Variants in HEPACAM observed in about 807,000 individuals in gnomAD.
HEPACAM encodes the protein hepatic and glial cell adhesion molecule, also known as hepatocyte cell adhesion molecule.
Under a neutral mutation model 38.3 loss-of-function variants are expected in HEPACAM, and 18 were observed. That is an observed-to-expected ratio of 0.47 (90% CI 0.33 to 0.70). The LOEUF (loss-of-function observed/expected upper bound fraction) is 0.70, where lower values mean the gene tolerates loss of function less well. HEPACAM is among the 30% of genes least tolerant of loss of function. HEPACAM has a pLI of 0.03. For synonymous variants in HEPACAM, 216 were observed against 243.1 expected, an observed-to-expected ratio of 0.89 and a Z score of 1.04; for missense variants, 466 against 563.0, an observed-to-expected ratio of 0.83 and a Z score of 1.74.
At chr11:124,931,896 C>T (rs570856294) in intron 1 of HEPACAM, among the ~76,000 whole-genome samples, 1 of 152,206 alleles carries the variant, frequency 6.6e-6, no homozygotes, top group South Asian at 2.1e-4. Flanking sequence ...CATATTCATA[C>T]AATGGAATAC....
Position 124,921,211 on chromosome 11 carries a change from C to T in HEPACAM, c.1178G>A (p.Arg393His). Residue 393 changes from arginine to histidine, a missense_variant, in exon 7 of 7, where the codon CGC (arginine) becomes CAC (histidine). Transcript: ENST00000298251. The surrounding 1 kb of genome is among the most constrained non-coding windows in gnomAD (Gnocchi z 4.6). Reference protein sequence around the residue: ...SSPGRSRSASRTLRTAGVHII... With the variant: ...SSPGRSRSASHTLRTAGVHII... ...GTGCACGCCCGCAGTCCGCAGTGTG[C>T]GCGAGGCGCTGCGCGAGCGGCCGGG... 6.7e-7 allele frequency: 1 copy of T among 1,485,748 alleles called. No homozygotes were observed. The highest frequency in any genetic ancestry group is 8.9e-7 in the Non-Finnish European group (1 of 1,124,796). 92.0% of individuals were successfully genotyped at this position (1,485,748 alleles called of 1,614,324 possible). A position where few individuals can be genotyped will look rare whatever the true frequency, so the allele number is the denominator to read the frequency against.
At chr11:124,925,680 T>C (rs1256440618) in intron 1 of HEPACAM, among the ~76,000 whole-genome samples, 2 of 152,246 alleles carry the variant, frequency 1.3e-5, no homozygotes, top group East Asian at 3.9e-4. Context: ...TTTTTGCAGA[T>C]GCATGTAGCA....
intron 4 of HEPACAM, among the ~76,000 whole-genome samples, 182 bp downstream of exon 4, chr11:124,923,158 G>A (rs529766950): frequency 6.6e-6 from 1 of 152,282 alleles, no homozygotes; most frequent in Admixed American, 6.5e-5. Context: ...ATTGTTACTG[G>A]TGCTGGGGTT....
Position 124,920,123 on chromosome 11 carries a change from G to A in HEPACAM, c.*1015C>T. 8 of 1,301,632 alleles carry A rather than the reference G, an allele frequency of 6.1e-6. No homozygotes were observed. Among genetic ancestry groups the A allele is most frequent in the Non-Finnish European group, 8.5e-6 (8 of 936,020 alleles). 80.6% of individuals were successfully genotyped at this position (1,301,632 alleles called of 1,614,324 possible). A position where few individuals can be genotyped will look rare whatever the true frequency, so the allele number is the denominator to read the frequency against. ...TGGATCATGTTCCCCCCAAATGCTG[G>A]GAAGCAATAAGCCTCCTCCTCCCCC... On this transcript the variant is annotated 3_prime_UTR_variant, in exon 7 of 7. Coordinates refer to ENST00000298251, the MANE Select transcript of HEPACAM (RefSeq NM_152722.5).
chr11:124,927,271 T>C (rs1947224739), intron 1 of HEPACAM, among the ~76,000 whole-genome samples: 1 of 152,252 alleles, frequency 6.6e-6, no homozygotes, highest in South Asian at 2.1e-4. Flanking sequence ...CTTTTACACC[T>C]TGCTGGGCCT....
At chr11:124,926,337 A>T in intron 1 of HEPACAM, among the ~76,000 whole-genome samples, 1 of 152,242 alleles carries the variant, frequency 6.6e-6, no homozygotes, top group East Asian at 1.9e-4. Context: ...GGGCCTTATT[A>T]TTGATACATG....
intron 5 of HEPACAM, 108 bp downstream of exon 5, chr11:124,922,637 G>T (rs1343697142): frequency 6.2e-7 from 1 of 1,613,284 alleles, no homozygotes; most frequent in South Asian, 1.1e-5. Flanking sequence ...GTTGGTGGGG[G>T]AAGGGTCCCT....
chr11:124,933,583 T>G (rs1352265614), intron 1 of HEPACAM, among the ~76,000 whole-genome samples: 2 of 152,220 alleles, frequency 1.3e-5, no homozygotes, highest in African/African-American at 4.8e-5. Context: ...TTCTATAATT[T>G]TTTTCCTTAC....
At chr11:124,925,127 A>AGGG in intron 1 of HEPACAM, 58 bp from the exon 2 acceptor site, 1 of 1,367,576 alleles carries the variant, frequency 7.3e-7, no homozygotes, top group Non-Finnish European at 9.9e-7. Context: ...TCCTTAGCCC[A>AGGG]CTCCCAACTT....
At chr11:124,931,160 A>G (rs1347973650) in intron 1 of HEPACAM, among the ~76,000 whole-genome samples, 1 of 152,238 alleles carries the variant, frequency 6.6e-6, no homozygotes, top group African/African-American at 2.4e-5. Context: ...AGAAATTCAA[A>G]CAACACAATA....
intron 1 of HEPACAM, among the ~76,000 whole-genome samples, chr11:124,929,454 G>C (rs929604090): frequency 4.6e-5 from 7 of 152,258 alleles, no homozygotes; most frequent in African/African-American, 1.4e-4. Context: ...TTAAGTTCAG[G>C]GTTCCACAAC....
rs143408217 is a variant in HEPACAM at position 124,934,113 on chromosome 11, C to T, written c.85+1809G>A. 2.0e-5 allele frequency among the ~76,000 whole-genome samples: 3 copies of T among 152,294 alleles called. No homozygotes were observed. In the East Asian group the frequency reaches 5.8e-4, roughly 29 times the overall value. On this transcript the variant is annotated intron_variant, in intron 1 of 6. Transcript: ENST00000298251. ...GCTATGTGACATCTTCACACGGAAG[C>T]CTCATAAGTATTTCAATCTAAACAT...
Position 124,921,296 on chromosome 11 carries a change from G to C in HEPACAM, c.1093C>G (p.Pro365Ala), listed in dbSNP as rs924395718. ...CGGCCGGTGGCTGGGGAGCGCGCTG[G>C]GGAGCGCGGGTAGCGGCGGGCAGAG... is the stretch of plus-strand genomic sequence containing the variant. ...IRSARRYPRSPARSPATGRTH... is the reference protein window; with the variant it reads ...IRSARRYPRSAARSPATGRTH... The change falls in exon 7 of 7, where the codon CCA becomes GCA. Residue 365 changes from proline (P) to alanine (A), a missense_variant. Physicochemically the swap from Pro to Ala is conservative, Grantham distance 27. Coordinates refer to ENST00000298251, the MANE Select transcript of HEPACAM (RefSeq NM_152722.5). This position sits in a 1 kb window ranked among gnomAD's most constrained non-coding sequence, Gnocchi z 4.6. 1 of 1,311,142 alleles carries C rather than the reference G, an allele frequency of 7.6e-7. No individual in the cohort carries two copies. Among genetic ancestry groups the C allele is most frequent in the African/African-American group, 1.5e-5 (1 of 64,882 alleles). 81.2% of individuals were successfully genotyped at this position (1,311,142 alleles called of 1,614,324 possible). A position where few individuals can be genotyped will look rare whatever the true frequency, so the allele number is the denominator to read the frequency against.
rs774682077 is a variant in HEPACAM at position 124,919,795 on chromosome 11, A to T, written c.*1343T>A. On this transcript the variant is annotated 3_prime_UTR_variant, in exon 7 of 7. Transcript: ENST00000298251. Reference sequence around the variant, plus strand: ...GAATTGCTCCATGGGTTGATGGCGAATCAGAGCTGGAGTTTAGGAGACTAG... The same window carrying T: ...GAATTGCTCCATGGGTTGATGGCGATTCAGAGCTGGAGTTTAGGAGACTAG... The T allele has an allele frequency of 6.2e-7, 1 of 1,614,160 alleles. No individual in the cohort carries two copies. The highest frequency in any genetic ancestry group is 1.7e-5 in the Admixed American group (1 of 60,024).
At chr11:124,926,339 T>A (rs1947208505) in intron 1 of HEPACAM, among the ~76,000 whole-genome samples, 1 of 152,238 alleles carries the variant, frequency 6.6e-6, no homozygotes, top group Admixed American at 6.5e-5. Context: ...GCCTTATTAT[T>A]GATACATGAC....
rs1452975020 is a variant in HEPACAM at position 124,920,921 on chromosome 11, GA to G, written c.*216del. 1 of 1,354,872 alleles carries G rather than the reference GA, an allele frequency of 7.4e-7. No homozygotes were observed. The highest frequency in any genetic ancestry group is 9.5e-7 in the Non-Finnish European group (1 of 1,056,896). 83.9% of individuals were successfully genotyped at this position (1,354,872 alleles called of 1,614,324 possible). A position where few individuals can be genotyped will look rare whatever the true frequency, so the allele number is the denominator to read the frequency against. ...AAGTGAGGACACAGCCAGTAAACCG[GA>G]AGCAAATGCGACCCGGTTTCACCAT... On this transcript the variant is annotated 3_prime_UTR_variant, in exon 7 of 7. Coordinates refer to ENST00000298251, the MANE Select transcript of HEPACAM (RefSeq NM_152722.5).
chr11:124,923,876 G>A lies in HEPACAM; in HGVS notation c.562C>T (p.Leu188Phe), dbSNP rs1947172808. 6.2e-7 allele frequency: 1 copy of A among 1,614,034 alleles called. No individual in the cohort carries two copies. The highest frequency in any genetic ancestry group is 8.5e-7 in the Non-Finnish European group (1 of 1,180,024). Reference sequence around the variant, plus strand: ...GACAGGAGCATTCTCGAGTCATTGAGGAGGGGCTTGCCATCCTTCAGCCAG... The same window carrying A: ...GACAGGAGCATTCTCGAGTCATTGAAGAGGGGCTTGCCATCCTTCAGCCAG... ...YTWLKDGKPLLNDSRMLLSPD... is the reference protein window; with the variant it reads ...YTWLKDGKPLFNDSRMLLSPD... Residue 188 changes from leucine (L) to phenylalanine (F), a missense_variant, in exon 3 of 7, where the codon CTC becomes TTC. By Grantham distance (22) the Leu-to-Phe change is conservative (BLOSUM62 0). Transcript: ENST00000298251.
rs533260961 is a variant in HEPACAM, at chr11:124,921,680, C to G, written c.949-240G>C. Among the ~76,000 whole-genome samples, 1 of 151,964 alleles carries G rather than the reference C, an allele frequency of 6.6e-6. No homozygotes were observed. Among genetic ancestry groups the G allele is most frequent in the East Asian group, 2.0e-4 (1 of 5,038 alleles). ...AATGCGATGATTTGAGTGCTTTTCC[C>G]CTTTACTCTCCTCTTTCCACCCGTC... On this transcript the variant is annotated intron_variant, in intron 6 of 6. Transcript: ENST00000298251. This position sits in a 1 kb window ranked among gnomAD's most constrained non-coding sequence, Gnocchi z 4.6.
chr11:124,920,678 C>CAAAAAAAAAAAAAA lies in HEPACAM; in HGVS notation c.*446_*459dup, dbSNP rs71042463. The CAAAAAAAAAAAAAA allele has an allele frequency of 2.6e-5, 15 of 575,222 alleles. No individual in the cohort carries two copies. The highest frequency in any genetic ancestry group is 9.3e-5 in the African/African-American group (2 of 21,518). The allele number at this position is 575,222 out of a possible 1,614,324, so 35.6% of individuals were successfully genotyped here. A position where few individuals can be genotyped will look rare whatever the true frequency, so the allele number is the denominator to read the frequency against. On this transcript the variant is annotated 3_prime_UTR_variant, in exon 7 of 7. Transcript: ENST00000298251. Reference sequence around the variant, plus strand: ...AAGTGGCCTCTCTAATCTGAACTTGCAAAAAAAAAAAAAAAAAAAAAAAAA... The same window carrying CAAAAAAAAAAAAAA: ...AAGTGGCCTCTCTAATCTGAACTTGCAAAAAAAAAAAAAAAAAAAAAAAAAAAAAAAAAAAAAAA...
Sources: allele counts gnomAD v4.1 joint callset (sites outside exome capture counted in the v4.1 genomes callset), GRCh38; gene constraint gnomAD v4.1.1; non-coding constraint Gnocchi (gnomAD v3.1); transcripts MANE v1.5; gene names NCBI Gene and HGNC (gene_info 2026-07-23, HGNC 2026-07-21).